Variants in COL5A1 observed in about 807,000 individuals in gnomAD.
COL5A1 encodes collagen alpha-1(V) chain.
COL5A1 carries 16 observed loss-of-function variants against 263.7 expected under a neutral mutation model. That is an observed-to-expected ratio of 0.06 (90% confidence interval 0.04 to 0.09). The LOEUF is 0.09. Among genes scored for constraint, COL5A1 ranks in the 10% least tolerant of loss-of-function variants. COL5A1 has a pLI of 1.00. For synonymous variants in COL5A1, 1,012 were observed against 1,004.5 expected, an observed-to-expected ratio of 1.01 and a Z score of -0.14; for missense variants, 2,036 against 2,540.5, an observed-to-expected ratio of 0.80 and a Z score of 4.27.
At chr9:134,811,649 CT>C (rs1564475173) in intron 46 of COL5A1, 50 bp downstream of exon 46, 3 of 1,403,866 alleles carry the variant, frequency 2.1e-6, no homozygotes. Flanking sequence ...CTGACGCCCC[CT>C]GTGTCTTCAT....
At chr9:134,659,174 A>G (rs974356122) in intron 1 of COL5A1, among the ~76,000 whole-genome samples, 1 of 120,740 alleles carries the variant, frequency 8.3e-6, no homozygotes, top group African/African-American at 2.6e-5. Flanking sequence ...CGGGTGGATC[A>G]CAAGGTCAGG....
chr9:134,734,948 C>T lies in COL5A1; in HGVS notation c.1389+2821C>T, dbSNP rs552282560. Among the ~76,000 whole-genome samples, 290 of 152,232 alleles carry T rather than the reference C, an allele frequency of 1.9e-3. 2 individuals are homozygous for T. Among genetic ancestry groups the T allele is most frequent in the Non-Finnish European group, 3.4e-3 (234 of 68,018 alleles). ...GCATTCGGCCGGGTGCGGTGGCTCA[C>T]ACCTGTAATCCCAGCACTTTGGGAG... On this transcript the variant is annotated intron_variant, in intron 9 of 65. Transcript: ENST00000371817.
In COL5A1 at chr9:134,730,307, C is replaced by T. The variant is rs144763302; in HGVS notation, c.996C>T (p.Asp332=). 285 of 1,614,236 alleles carry T rather than the reference C, an allele frequency of 1.8e-4. No individual in the cohort carries two copies. Among genetic ancestry groups the T allele is most frequent in the African/African-American group, 1.2e-3 (87 of 75,066 alleles). ...GTGAAGGGGCTGGGAAGGAAGAGGACGTCGGCATCGGGGACTATGACTACG... is the reference window on the plus strand; with the variant it reads ...GTGAAGGGGCTGGGAAGGAAGAGGATGTCGGCATCGGGGACTATGACTACG... ...ETSEGAGKEE[D]VGIGDYDYVP... is the part of the protein sequence containing the mutation. The change falls in exon 7 of 66, where the codon GAC becomes GAT. Residue 332 remains aspartate (D), a synonymous_variant. Coordinates refer to ENST00000371817, the MANE Select transcript of COL5A1 (RefSeq NM_000093.5).
chr9:134,835,184 G>C lies in COL5A1; in HGVS notation c.5350G>C (p.Ala1784Pro). ...MSYDNNPYIRALVDGCATKKG... is the reference protein window; with the variant it reads ...MSYDNNPYIRPLVDGCATKKG... ...CTATGACAACAACCCCTACATCCGCGCCCTGGTGGACGGCTGTGCTGTGAG... is the reference window on the plus strand; with the variant it reads ...CTATGACAACAACCCCTACATCCGCCCCCTGGTGGACGGCTGTGCTGTGAG... Residue 1784 changes from alanine (A) to proline (P), a missense_variant, in exon 65 of 66, where the codon GCC becomes CCC. By Grantham distance (27) the Ala-to-Pro change is conservative. Around this residue, in one of 3 missense-constraint regions of COL5A1, gnomAD observed 358 missense variants for 384.6 expected, o/e 0.93. Coordinates refer to ENST00000371817, the MANE Select transcript of COL5A1 (RefSeq NM_000093.5). 2 of 1,613,600 alleles carry C rather than the reference G, an allele frequency of 1.2e-6. No individual in the cohort carries two copies. Among genetic ancestry groups the C allele is most frequent in the Non-Finnish European group, 1.7e-6 (2 of 1,179,984 alleles).
chr9:134,753,356 G>A (rs1835857576), intron 14 of COL5A1, among the ~76,000 whole-genome samples: 1 of 152,134 alleles, frequency 6.6e-6, no homozygotes, highest in Non-Finnish European at 1.5e-5. Flanking sequence ...GGAGGAGTGT[G>A]GGTTTGCAGG....
chr9:134,712,443 T>A (rs1241109733), intron 4 of COL5A1, among the ~76,000 whole-genome samples: 2 of 114,892 alleles, frequency 1.7e-5, no homozygotes, highest in East Asian at 5.7e-4. Context: ...TCCCCCTCCT[T>A]CTTATTCTCC....
intron 2 of COL5A1, among the ~76,000 whole-genome samples, chr9:134,692,909 C>A (rs1833332994): frequency 6.6e-6 from 1 of 151,978 alleles, no homozygotes; most frequent in Admixed American, 6.5e-5. Context: ...TCCATCTCTA[C>A]CAAAAATACA....
At chr9:134,649,152 C>G (rs930764490) in intron 1 of COL5A1, among the ~76,000 whole-genome samples, 1 of 152,030 alleles carries the variant, frequency 6.6e-6, no homozygotes, top group Non-Finnish European at 1.5e-5. Context: ...CAGCCCCAGG[C>G]CACTGGAGAG....
At chr9:134,708,227 G>T in intron 4 of COL5A1, among the ~76,000 whole-genome samples, 1 of 152,274 alleles carries the variant, frequency 6.6e-6, no homozygotes, top group Admixed American at 6.5e-5. Flanking sequence ...GCACTCCACC[G>T]CCTCGGGCAG....
intron 4 of COL5A1, among the ~76,000 whole-genome samples, chr9:134,722,389 C>G (rs1834495547): frequency 6.6e-6 from 1 of 152,216 alleles, no homozygotes; most frequent in South Asian, 2.1e-4. Context: ...TGCAGGTGTG[C>G]CTGGGTGCTG....
intron 11 of COL5A1, among the ~76,000 whole-genome samples, chr9:134,739,235 G>T (rs1241441966): frequency 6.6e-6 from 1 of 152,244 alleles, no homozygotes; most frequent in Admixed American, 6.5e-5. Context: ...CAGGCTCAGA[G>T]GCATCCTCGG....
At chr9:134,697,656 A>G (rs1433532936) in intron 2 of COL5A1, among the ~76,000 whole-genome samples, 1 of 152,086 alleles carries the variant, frequency 6.6e-6, no homozygotes, top group African/African-American at 2.4e-5. Context: ...ATGCACTCCC[A>G]GGGATCACGT....
rs564914058 is a variant in COL5A1, at chr9:134,821,116, G to A, written c.4554+893G>A. On this transcript the variant is annotated intron_variant, in intron 58 of 65. Coordinates refer to ENST00000371817, the MANE Select transcript of COL5A1 (RefSeq NM_000093.5). This position sits in a 1 kb window ranked among gnomAD's most constrained non-coding sequence, Gnocchi z 4.2. ...ATGCCATTGACTGTTTTCCTCTGCC[G>A]GTATCCCCAGGCCACAGCAGGGTCG... Among the ~76,000 whole-genome samples, 20 of 152,178 alleles carry A rather than the reference G, an allele frequency of 1.3e-4. No homozygotes were observed. Among genetic ancestry groups the A allele is most frequent in the Non-Finnish European group, 2.4e-4 (16 of 67,984 alleles).
At chr9:134,817,989 G>C (rs569377950) in intron 54 of COL5A1, among the ~76,000 whole-genome samples, 158 bp downstream of exon 54, 110 of 152,366 alleles carry the variant, frequency 7.2e-4, no homozygotes, top group African/African-American at 2.4e-3. Context: ...GAGGAGACCT[G>C]GTTCTCTCTC....
At chr9:134,655,631 T>A (rs1458987100) in intron 1 of COL5A1, among the ~76,000 whole-genome samples, 1 of 152,108 alleles carries the variant, frequency 6.6e-6, no homozygotes, top group East Asian at 1.9e-4. Flanking sequence ...AGGCATGCCA[T>A]TGGTTCAGAG....
intron 42 of COL5A1, among the ~76,000 whole-genome samples, chr9:134,808,278 A>G (rs963652755): frequency 6.6e-6 from 1 of 152,146 alleles, no homozygotes; most frequent in Non-Finnish European, 1.5e-5. Context: ...CTGTCGGAAG[A>G]TAGGGATCCC....
chr9:134,740,253 C>T (rs1490934063), intron 11 of COL5A1, among the ~76,000 whole-genome samples: 1 of 151,914 alleles, frequency 6.6e-6, no homozygotes, highest in Non-Finnish European at 1.5e-5. Context: ...AGACAGGCAA[C>T]AGCGAGTGGC....
chr9:134,764,748 C>T (rs1400363317), intron 20 of COL5A1, among the ~76,000 whole-genome samples: 1 of 152,068 alleles, frequency 6.6e-6, no homozygotes, highest in Non-Finnish European at 1.5e-5. Flanking sequence ...TAAATTATAC[C>T]CCAGATGTCT....
Position 134,642,087 on chromosome 9 carries a change from C to T in COL5A1, c.-101C>T. The T allele has an allele frequency of 9.8e-7, 1 of 1,018,708 alleles. No individual in the cohort carries two copies. The highest frequency in any genetic ancestry group is 1.3e-6 in the Non-Finnish European group (1 of 794,270). The allele number at this position is 1,018,708 out of a possible 1,614,324, so 63.1% of individuals were successfully genotyped here. A position where few individuals can be genotyped will look rare whatever the true frequency, so the allele number is the denominator to read the frequency against. On this transcript the variant is annotated 5_prime_UTR_variant, in exon 1 of 66. Coordinates refer to ENST00000371817, the MANE Select transcript of COL5A1 (RefSeq NM_000093.5). The surrounding 1 kb of genome is among the most constrained non-coding windows in gnomAD (Gnocchi z 4.5). ...GTCCCCATGACCTCCTAAAGTGGTG[C>T]GGTCCCTGCTGAGTGCGCTGCCCGG...
Sources: allele counts gnomAD v4.1 joint callset (sites outside exome capture counted in the v4.1 genomes callset), GRCh38; gene constraint gnomAD v4.1.1; regional missense constraint gnomAD v4.1.1; non-coding constraint Gnocchi (gnomAD v3.1); transcripts MANE v1.5; gene names NCBI Gene and HGNC (gene_info 2026-07-23, HGNC 2026-07-21).